The following PPP1R13B variants were observed in gnomAD, a reference collection of about 807,000 sequenced individuals.
PPP1R13B encodes the protein protein phosphatase 1 regulatory subunit 13B.
A neutral mutation model predicts 119.8 loss-of-function variants in PPP1R13B; 44 were observed. The ratio of observed to expected loss-of-function variants is 0.37; its 90% CI spans 0.29 to 0.47. The LOEUF is 0.47. PPP1R13B is among the 20% of genes least tolerant of loss of function. PPP1R13B has a pLI of 0.99. For synonymous variants in PPP1R13B, 542 were observed against 561.5 expected (o/e 0.97, Z 0.49); for missense variants, 1,227 against 1,413.5 (o/e 0.87, Z 2.12).
chr14:103,774,446 T>C (rs1280035970), intron 4 of PPP1R13B, among the ~76,000 whole-genome samples: 1 of 152,218 alleles, frequency 6.6e-6, no homozygotes, highest in Non-Finnish European at 1.5e-5. Flanking sequence ...GGGGACATCT[T>C]GGAAGCTTCA....
At position 103,838,214 on chromosome 14, in the gene PPP1R13B, A is replaced by G. The variant is rs1052511723; in HGVS notation, c.9+9085T>C. ...ATCAAGTCTAACTCTGTTATGGCAC[A>G]CACACACACACACACACACACACAG... On this transcript the variant is annotated intron_variant, in intron 1 of 16. Coordinates refer to ENST00000202556, the MANE Select transcript of PPP1R13B (RefSeq NM_015316.3). 4.5e-5 allele frequency among the ~76,000 whole-genome samples: 5 copies of G among 112,226 alleles called. No homozygotes were observed. The South Asian group carries it at 8.0e-4, about 18-fold the overall frequency. The allele number at this position is 112,226 out of a possible 152,430, so 73.6% of individuals were successfully genotyped here.
At chr14:103,743,228 G>A (rs1287643757) in intron 9 of PPP1R13B, among the ~76,000 whole-genome samples, 10 of 152,218 alleles carry the variant, frequency 6.6e-5, no homozygotes, top group African/African-American at 2.2e-4. Flanking sequence ...ATTACATAGA[G>A]CAATAAAAAA....
chr14:103,848,779 C>T (rs1299275334), upstream of PPP1R13B, among the ~76,000 whole-genome samples: 2 of 147,682 alleles, frequency 1.4e-5, no homozygotes, highest in African/African-American at 5.3e-5. Flanking sequence ...CCACCCCTGT[C>T]CCTCAGAGGC....
At chr14:103,792,612 T>G (rs1196880337) in intron 2 of PPP1R13B, among the ~76,000 whole-genome samples, 1 of 151,904 alleles carries the variant, frequency 6.6e-6, no homozygotes, top group Non-Finnish European at 1.5e-5. Flanking sequence ...AAAAAATAAA[T>G]AAATAAAAGG....
At chr14:103,789,704 G>C (rs2085567699) in intron 2 of PPP1R13B, among the ~76,000 whole-genome samples, 1 of 151,846 alleles carries the variant, frequency 6.6e-6, no homozygotes, top group African/African-American at 2.4e-5. Flanking sequence ...AGTAGAGACA[G>C]AGTTTCACCA....
At chr14:103,791,329 C>T (rs938285111) in intron 2 of PPP1R13B, among the ~76,000 whole-genome samples, 12 of 152,100 alleles carry the variant, frequency 7.9e-5, no homozygotes, top group South Asian at 4.1e-4. Context: ...AAAACAGAAA[C>T]GGTCTCATCT....
chr14:103,737,292 G>A lies in PPP1R13B; in HGVS notation c.3031+402C>T, dbSNP rs536027857. On this transcript the variant is annotated intron_variant, in intron 15 of 16. Coordinates refer to ENST00000202556, the MANE Select transcript of PPP1R13B (RefSeq NM_015316.3). ...TCGAGAATGCTGTGCTGCCAGGCAC[G>A]GTGGCTCACACCTGTGATCCCAGCA... 6.3e-5 allele frequency: 10 copies of A among 159,520 alleles called. No individual in the cohort carries two copies. In the South Asian group the frequency reaches 1.5e-3, roughly 24 times the overall value. 9.9% of individuals were successfully genotyped at this position (159,520 alleles called of 1,614,324 possible). A position where few individuals can be genotyped will look rare whatever the true frequency, so the allele number is the denominator to read the frequency against.
At chr14:103,833,300 A>G (rs2086700315) in intron 1 of PPP1R13B, among the ~76,000 whole-genome samples, 1 of 151,992 alleles carries the variant, frequency 6.6e-6, no homozygotes, top group African/African-American at 2.4e-5. Flanking sequence ...ATCCTAGGCA[A>G]CTTCCCTCAA....
chr14:103,805,051 G>A (rs2085985081), intron 1 of PPP1R13B, among the ~76,000 whole-genome samples: 1 of 152,038 alleles, frequency 6.6e-6, no homozygotes, highest in African/African-American at 2.4e-5. Flanking sequence ...TGGCCAGGCT[G>A]GTCTCGAACT....
In PPP1R13B at chr14:103,737,879, G is replaced by A. The variant is rs1241005410; in HGVS notation, c.2865-19C>T. 1.9e-6 allele frequency: 3 copies of A among 1,608,796 alleles called. No homozygotes were observed. Among genetic ancestry groups the A allele is most frequent in the African/African-American group, 2.7e-5 (2 of 74,988 alleles). On this transcript the variant is annotated intron_variant, in intron 14 of 16. Coordinates refer to ENST00000202556, the MANE Select transcript of PPP1R13B (RefSeq NM_015316.3). ...CGGCGTCCTGGAATAGAGCGTGGGTGAAGGTGCAGGCCTGGCACTGCCTGT... is the reference window on the plus strand; with the variant it reads ...CGGCGTCCTGGAATAGAGCGTGGGTAAAGGTGCAGGCCTGGCACTGCCTGT...
At chr14:103,829,418 T>A (rs867446376) in intron 1 of PPP1R13B, among the ~76,000 whole-genome samples, 67 of 152,252 alleles carry the variant, frequency 4.4e-4, no homozygotes, top group African/African-American at 7.5e-4. Context: ...TTAATGTTTT[T>A]AAAAAAAATT....
At chr14:103,830,775 T>C (rs1320405759) in intron 1 of PPP1R13B, among the ~76,000 whole-genome samples, 1 of 152,190 alleles carries the variant, frequency 6.6e-6, no homozygotes, top group East Asian at 1.9e-4. Flanking sequence ...GTTGTGCATA[T>C]GATGGCCACT....
At chr14:103,737,977 G>C in intron 14 of PPP1R13B, 117 bp from the exon 15 acceptor site, 1 of 1,196,540 alleles carries the variant, frequency 8.4e-7, no homozygotes. Flanking sequence ...GTGCCATCAA[G>C]TCTCAGTGTT....
chr14:103,778,854 G>A, intron 3 of PPP1R13B, 33 bp from the exon 4 acceptor site: 6 of 1,530,726 alleles, frequency 3.9e-6, no homozygotes, highest in Non-Finnish European at 5.4e-6. Flanking sequence ...CTCACCAAAA[G>A]GCGTATTAGA....
intron 2 of PPP1R13B, among the ~76,000 whole-genome samples, chr14:103,787,714 G>A (rs1251439574): frequency 8.8e-5 from 13 of 147,436 alleles, no homozygotes; most frequent in Non-Finnish European, 1.5e-4. Flanking sequence ...GTGCAGTGGC[G>A]CAATCTCGGC....
intron 1 of PPP1R13B, among the ~76,000 whole-genome samples, chr14:103,836,885 C>G (rs764900519): frequency 9.9e-5 from 15 of 152,086 alleles, no homozygotes; most frequent in Non-Finnish European, 2.1e-4. Context: ...TCTACACTTT[C>G]ACATCTGTAT....
chr14:103,848,025 C>G (rs1311055244), upstream of PPP1R13B, among the ~76,000 whole-genome samples: 1 of 151,750 alleles, frequency 6.6e-6, no homozygotes, highest in Non-Finnish European at 1.5e-5. Context: ...TGCCGGCGCG[C>G]CGTGGGGCTG....
At chr14:103,789,186 G>T (rs772028006) in intron 2 of PPP1R13B, among the ~76,000 whole-genome samples, 2 of 152,116 alleles carry the variant, frequency 1.3e-5, no homozygotes, top group African/African-American at 2.4e-5. Context: ...TACACATTGG[G>T]TAGGTTAAAA....
At chr14:103,764,344 C>G (rs918670057) in intron 4 of PPP1R13B, 7 of 194,274 alleles carry the variant, frequency 3.6e-5, no homozygotes, top group African/African-American at 1.7e-4. Flanking sequence ...TGCGTTTCCC[C>G]AATGACTGGA....
Sources: allele counts gnomAD v4.1 joint callset (sites outside exome capture counted in the v4.1 genomes callset), GRCh38; gene constraint gnomAD v4.1.1; transcripts MANE v1.5; gene names NCBI Gene and HGNC (gene_info 2026-07-23, HGNC 2026-07-21).